Variants in NUMB observed in about 807,000 individuals in gnomAD.
NUMB encodes NUMB endocytic adaptor protein.
Under a neutral mutation model 59.7 loss-of-function variants are expected in NUMB, and 29 were observed. The ratio of observed to expected loss-of-function variants is 0.49; its 90% confidence interval spans 0.36 to 0.66. The LOEUF is 0.66. NUMB is among the 30% of genes least tolerant of loss of function. The pLI is 0.00. For synonymous variants in NUMB, 288 were observed against 288.2 expected (o/e 1.00, Z 0.01); for missense variants, 723 against 822.0 (o/e 0.88, Z 1.47).
chr14:73,324,650 G>A (rs1206238338), intron 4 of NUMB, among the ~76,000 whole-genome samples: 4 of 151,830 alleles, frequency 2.6e-5, no homozygotes. Context: ...ATGATTCAAG[G>A]TCTGGTTGCA....
intron 5 of NUMB, among the ~76,000 whole-genome samples, chr14:73,320,129 C>T (rs949172707): frequency 7.7e-5 from 11 of 142,230 alleles, no homozygotes; most frequent in Non-Finnish European, 1.4e-4. Context: ...AAGACTCCGA[C>T]TCGGCGGGGG....
At chr14:73,427,898 A>C (rs1897656708) in intron 1 of NUMB, among the ~76,000 whole-genome samples, 1 of 152,212 alleles carries the variant, frequency 6.6e-6, no homozygotes, top group Admixed American at 6.5e-5. Context: ...TAATGCGATA[A>C]AGTTACAAAA....
In NUMB at chr14:73,352,505, TATATATATATATATATATATATA is replaced by T. The variant is rs1893417989; in HGVS notation, c.126+3098_126+3120del. ...ATATATATATATATATATATATATA[TATATATATATATATATATATATA>T]TGTTTTTTTTTTTTTTTTTTTTTTG... On this transcript the variant is annotated intron_variant, in intron 4 of 12. Coordinates refer to ENST00000555238, the MANE Select transcript of NUMB (RefSeq NM_001005743.2). 1.3e-3 allele frequency among the ~76,000 whole-genome samples: 20 copies of T among 15,154 alleles called. 1 individual carries two copies. Among genetic ancestry groups the T allele is most frequent in the African/African-American group, 3.5e-3 (7 of 1,992 alleles). The allele number at this position is 15,154 out of a possible 152,430, so 9.9% of individuals were successfully genotyped here.
At chr14:73,425,162 T>C (rs938202512) in intron 1 of NUMB, among the ~76,000 whole-genome samples, 1 of 152,154 alleles carries the variant, frequency 6.6e-6, no homozygotes, top group African/African-American at 2.4e-5. Context: ...TCTACACAGG[T>C]TAAACTGACT....
chr14:73,357,640 G>A (rs1342629503), intron 3 of NUMB, among the ~76,000 whole-genome samples: 2 of 151,984 alleles, frequency 1.3e-5, no homozygotes, highest in Non-Finnish European at 2.9e-5. Flanking sequence ...GCACGCACCT[G>A]TAATCCCAGC....
chr14:73,335,551 G>A (rs1892264989), intron 4 of NUMB, among the ~76,000 whole-genome samples: 1 of 152,116 alleles, frequency 6.6e-6, no homozygotes, highest in African/African-American at 2.4e-5. Context: ...TCTTTTGTTT[G>A]TATGCCTTTT....
At chr14:73,423,352 A>C (rs1897435482) in intron 1 of NUMB, among the ~76,000 whole-genome samples, 2 of 151,942 alleles carry the variant, frequency 1.3e-5, no homozygotes, top group South Asian at 2.1e-4. Context: ...AAAAAAAAAA[A>C]AACAAGCTGG....
chr14:73,440,266 T>TATCCATATATATATACAC (rs1882950403), intron 1 of NUMB, among the ~76,000 whole-genome samples: 1 of 151,472 alleles, frequency 6.6e-6, no homozygotes, highest in East Asian at 1.9e-4. Flanking sequence ...TATCTATAGA[T>TATCCATATATATATACAC]ATCCATATAT....
chr14:73,309,735 TAATAATAATAATAATAATAATAAA>T (rs1288004802), intron 6 of NUMB, among the ~76,000 whole-genome samples: 3 of 143,772 alleles, frequency 2.1e-5, no homozygotes, highest in African/African-American at 8.0e-5. Flanking sequence ...ATAATAATAA[TAATAATAATAATAATAATAATAAA>T]AATAGGATCC....
intron 2 of NUMB, among the ~76,000 whole-genome samples, chr14:73,385,688 G>A (rs1895480186): frequency 6.6e-6 from 1 of 151,688 alleles, no homozygotes; most frequent in South Asian, 2.1e-4. Context: ...TTTTAGTAGA[G>A]ACTGGGTTTC....
At chr14:73,456,535 T>G (rs1165681243) in intron 1 of NUMB, among the ~76,000 whole-genome samples, 1 of 152,256 alleles carries the variant, frequency 6.6e-6, no homozygotes, top group Non-Finnish European at 1.5e-5. Flanking sequence ...ACAATACTTT[T>G]CCTTACCAAA....
Position 73,276,285 on chromosome 14 carries a change from CT to C in NUMB, c.*292del. The C allele has an allele frequency of 3.1e-6, 1 of 323,604 alleles. No homozygotes were observed. The allele number at this position is 323,604 out of a possible 1,614,324, so 20.0% of individuals were successfully genotyped here. On this transcript the variant is annotated 3_prime_UTR_variant, in exon 13 of 13. Transcript: ENST00000555238. Reference sequence around the variant, plus strand: ...TGGAATATAGATTCTTGTTCAGATACTTTGCCTCTCTGTTGCCAGAGATTTG... The same window carrying C: ...TGGAATATAGATTCTTGTTCAGATACTTGCCTCTCTGTTGCCAGAGATTTG...
chr14:73,368,051 A>G (rs1204035244), intron 2 of NUMB, among the ~76,000 whole-genome samples: 1 of 152,136 alleles, frequency 6.6e-6, no homozygotes, highest in African/African-American at 2.4e-5. Context: ...GTTTAAAAAA[A>G]AAAAAAAGTT....
At chr14:73,280,322 C>A (rs1293884577) in intron 11 of NUMB, among the ~76,000 whole-genome samples, 1 of 152,028 alleles carries the variant, frequency 6.6e-6, no homozygotes, top group Non-Finnish European at 1.5e-5. Flanking sequence ...GATGAGAAAT[C>A]GAAGTTGGTA....
At chr14:73,279,473 A>G in intron 11 of NUMB, 49 bp from the exon 12 acceptor site, 2 of 1,517,756 alleles carry the variant, frequency 1.3e-6, no homozygotes, top group Non-Finnish European at 1.8e-6. Flanking sequence ...TGCAGGGTGT[A>G]CAAGTGACCC....
At chr14:73,356,980 G>C in intron 3 of NUMB, 1 of 862,522 alleles carries the variant, frequency 1.2e-6, no homozygotes, top group Non-Finnish European at 1.4e-6. Flanking sequence ...TTACAGGCGT[G>C]AGCCACCATA....
chr14:73,292,953 T>TG (rs1889492956), intron 7 of NUMB, 79 bp from the exon 8 acceptor site: 1 of 1,384,766 alleles, frequency 7.2e-7, no homozygotes, highest in Admixed American at 1.8e-5. Flanking sequence ...GTTCATTTCA[T>TG]GATGCACAAT....
At chr14:73,343,624 T>G (rs1892754525) in intron 4 of NUMB, among the ~76,000 whole-genome samples, 1 of 152,210 alleles carries the variant, frequency 6.6e-6, no homozygotes, top group Admixed American at 6.5e-5. Context: ...TGTGTATGTA[T>G]GTAACGGGCT....
intron 5 of NUMB, among the ~76,000 whole-genome samples, chr14:73,322,590 T>C (rs1372150832): frequency 6.6e-6 from 1 of 152,136 alleles, no homozygotes; most frequent in Non-Finnish European, 1.5e-5. Flanking sequence ...AGGAAGCTAT[T>C]TTTTACAGTA....
Sources: gnomAD v4.1 joint callset for allele counts (sites outside exome capture counted in the v4.1 genomes callset) on GRCh38, gnomAD v4.1.1 for gene constraint, MANE v1.5 for transcripts, NCBI Gene and HGNC (gene_info 2026-07-23, HGNC 2026-07-21) for gene names.